Variants in CFDP1 observed in about 807,000 individuals in gnomAD.
The protein encoded by CFDP1 is chromatin remodeling protein CFDP1.
A neutral mutation model predicts 40.1 loss-of-function variants in CFDP1; 31 were observed. The ratio of observed to expected loss-of-function variants is 0.77; its 90% CI spans 0.58 to 1.04. The LOEUF (loss-of-function observed/expected upper bound fraction) is 1.04. Among genes scored for constraint, CFDP1 ranks in the 50% least tolerant of loss-of-function variants. The pLI, the probability that CFDP1 is intolerant of heterozygous loss-of-function variation, is 0.00. For synonymous variants in CFDP1, 167 were observed against 120.0 expected, an observed-to-expected ratio of 1.39 and a Z score of -2.56; for missense variants, 423 against 343.4, an observed-to-expected ratio of 1.23 and a Z score of -1.83.
At chr16:75,428,605 A>G (rs1260613634) in intron 1 of CFDP1, among the ~76,000 whole-genome samples, 2 of 151,936 alleles carry the variant, frequency 1.3e-5, no homozygotes, top group Non-Finnish European at 1.5e-5. Flanking sequence ...TGACAGAGCT[A>G]TACTCCATCT....
At chr16:75,349,494 G>A (rs1297931354) in intron 5 of CFDP1, among the ~76,000 whole-genome samples, 1 of 149,452 alleles carries the variant, frequency 6.7e-6, no homozygotes, top group African/African-American at 2.5e-5. Context: ...GGGTGACAGA[G>A]CGAGACTCTG....
At chr16:75,332,968 C>T (rs1336428671) in intron 5 of CFDP1, among the ~76,000 whole-genome samples, 3 of 150,586 alleles carry the variant, frequency 2.0e-5, no homozygotes, top group Non-Finnish European at 3.0e-5. Flanking sequence ...CCACCATGCC[C>T]GGCTAATTTT....
chr16:75,326,297 T>C (rs1417031388), intron 5 of CFDP1, among the ~76,000 whole-genome samples: 1 of 152,188 alleles, frequency 6.6e-6, no homozygotes, highest in Non-Finnish European at 1.5e-5. Flanking sequence ...ACTACTACGT[T>C]ATGAGCCAGG....
At chr16:75,359,432 G>A (rs2078667531) in intron 5 of CFDP1, among the ~76,000 whole-genome samples, 1 of 152,294 alleles carries the variant, frequency 6.6e-6, no homozygotes, top group African/African-American at 2.4e-5. Context: ...AAGCTCTGCA[G>A]AGGCTAATAC....
At chr16:75,393,626 G>A (rs1036270498) in intron 5 of CFDP1, among the ~76,000 whole-genome samples, 1 of 151,180 alleles carries the variant, frequency 6.6e-6, no homozygotes, top group Admixed American at 6.6e-5. Context: ...AGCTACTCGG[G>A]AGGCTGAGGC....
intron 6 of CFDP1, among the ~76,000 whole-genome samples, chr16:75,296,376 C>T (rs1465394694): frequency 6.6e-6 from 1 of 152,030 alleles, no homozygotes; most frequent in East Asian, 1.9e-4. Flanking sequence ...TAGCTGGGAC[C>T]ACAGGCACAC....
intron 5 of CFDP1, among the ~76,000 whole-genome samples, chr16:75,363,819 C>T (rs1403996466): frequency 1.3e-5 from 2 of 152,134 alleles, no homozygotes; most frequent in African/African-American, 4.8e-5. Context: ...CTCATTCATT[C>T]ATTCAATAAA....
chr16:75,380,611 G>A (rs528064326), intron 5 of CFDP1, among the ~76,000 whole-genome samples: 53 of 152,200 alleles, frequency 3.5e-4, no homozygotes, highest in African/African-American at 1.3e-3. Context: ...GTGTATCTAA[G>A]CTTTTGGGCT....
chr16:75,398,380 C>A (rs369038370), intron 4 of CFDP1, among the ~76,000 whole-genome samples: 1 of 152,300 alleles, frequency 6.6e-6, no homozygotes, highest in East Asian at 1.9e-4. Flanking sequence ...CTTCCAGAAC[C>A]CTGATACTAC....
intron 5 of CFDP1, among the ~76,000 whole-genome samples, chr16:75,339,236 C>T (rs1486289346): frequency 2.0e-5 from 3 of 152,080 alleles, no homozygotes; most frequent in African/African-American, 4.8e-5. Flanking sequence ...TTGGCTCATT[C>T]GTCCTGCTCA....
At chr16:75,361,760 T>C (rs2151532179) in intron 5 of CFDP1, among the ~76,000 whole-genome samples, 1 of 152,322 alleles carries the variant, frequency 6.6e-6, no homozygotes, top group East Asian at 1.9e-4. Context: ...AAATACACTG[T>C]AGAAAACAAC....
In CFDP1 at chr16:75,433,005, G is replaced by C. The variant is rs117197103; in HGVS notation, c.64+284C>G. Among the ~76,000 whole-genome samples the C allele has an allele frequency of 7.9e-3, 1,205 of 152,296 alleles. 97 individuals are homozygous for C. The East Asian group carries it at 0.2, about 25-fold the overall frequency. On this transcript the variant is annotated intron_variant, in intron 1 of 6. Transcript: ENST00000283882. Reference sequence around the variant, plus strand: ...GCGGTGTCGTTCGGGGCTGACCGACGAGCGTCCCTAGCGACAAGGGGCCGT... The same window carrying C: ...GCGGTGTCGTTCGGGGCTGACCGACCAGCGTCCCTAGCGACAAGGGGCCGT...
At chr16:75,320,661 C>G (rs562364081) in intron 5 of CFDP1, among the ~76,000 whole-genome samples, 1 of 152,152 alleles carries the variant, frequency 6.6e-6, no homozygotes, top group Non-Finnish European at 1.5e-5. Flanking sequence ...TTGCTATGGC[C>G]TTCCAGTCAC....
intron 2 of CFDP1, among the ~76,000 whole-genome samples, chr16:75,413,445 G>A (rs567356416): frequency 2.6e-5 from 4 of 151,244 alleles, no homozygotes; most frequent in Admixed American, 2.0e-4. Context: ...CTATAATCCA[G>A]CCACTCGGAG....
At chr16:75,431,313 G>A (rs958804590) in intron 1 of CFDP1, among the ~76,000 whole-genome samples, 1 of 151,858 alleles carries the variant, frequency 6.6e-6, no homozygotes, top group Non-Finnish European at 1.5e-5. Context: ...AATCATTCGG[G>A]TGTGCTGGCG....
At chr16:75,329,453 G>A (rs918921812) in intron 5 of CFDP1, among the ~76,000 whole-genome samples, 2 of 152,030 alleles carry the variant, frequency 1.3e-5, no homozygotes, top group Admixed American at 6.6e-5. Flanking sequence ...AAAAAAATCC[G>A]TGATAACCAG....
chr16:75,405,097 A>T (rs1046683293), intron 4 of CFDP1, among the ~76,000 whole-genome samples: 5 of 152,212 alleles, frequency 3.3e-5, no homozygotes, highest in Non-Finnish European at 7.3e-5. Context: ...CACAATACTC[A>T]AGACATGAGC....
chr16:75,407,401 G>C (rs2079109993), intron 4 of CFDP1, among the ~76,000 whole-genome samples: 2 of 152,116 alleles, frequency 1.3e-5, no homozygotes, highest in African/African-American at 4.8e-5. Flanking sequence ...ACATGGCTGG[G>C]TGTGGTGGCT....
intron 5 of CFDP1, among the ~76,000 whole-genome samples, chr16:75,352,255 C>T (rs2078617993): frequency 6.6e-6 from 1 of 151,838 alleles, no homozygotes; most frequent in Non-Finnish European, 1.5e-5. Context: ...GCAGGAGAAT[C>T]GCTTGAACCC....
Sources: allele counts gnomAD v4.1 joint callset (sites outside exome capture counted in the v4.1 genomes callset), GRCh38; gene constraint gnomAD v4.1.1; transcripts MANE v1.5; gene names NCBI Gene and HGNC (gene_info 2026-07-23, HGNC 2026-07-21).